Variants in LINC00632 observed in about 807,000 individuals in gnomAD.
The protein encoded by LINC00632 is long independently transcribed non-coding RNA 632, also known as ALDOA related specific transcript.
intron 3 of LINC00632, among the ~76,000 whole-genome samples, chrX:140,739,256 G>C (rs1479137479): frequency 9.1e-6 from 1 of 110,071 alleles, no homozygotes; most frequent in Non-Finnish European, 1.9e-5. Context: ...TTTCGCTCTT[G>C]TTGCCCAGGC....
Position 140,766,728 on chromosome X carries a change from A to G in LINC00632, n.192-5350A>G, listed in dbSNP as rs964772131. The stretch of plus-strand genomic sequence containing the variant: ...TAACAATGTAAAAGATGTATAATTA[A>G]TTATCATAAATGAAATAACAAAGAA... On this transcript the variant is annotated intron_variant and non_coding_transcript_variant, in intron 3 of 4. Coordinates refer to ENST00000648200, the Ensembl canonical transcript of LINC00632. Among the ~76,000 whole-genome samples the G allele has an allele frequency of 8.0e-5, 9 of 112,387 alleles. No individual in the cohort carries two copies. The East Asian group carries it at 2.5e-3, about 31-fold the overall frequency.
At position 140,732,250 on chromosome X, in the gene LINC00632, C is replaced by T. The variant is rs1232769708; in HGVS notation, n.105-1628C>T. Reference sequence around the variant, plus strand: ...AAAAACAAAAAAAACCATTACAGGCCCATGCATAAAGAGCTCTATAAATGT... The same window carrying T: ...AAAAACAAAAAAAACCATTACAGGCTCATGCATAAAGAGCTCTATAAATGT... On this transcript the variant is annotated intron_variant and non_coding_transcript_variant, in intron 2 of 4. Coordinates refer to ENST00000648200, the Ensembl canonical transcript of LINC00632. Among the ~76,000 whole-genome samples, 4 of 111,056 alleles carry T rather than the reference C, an allele frequency of 3.6e-5. No homozygotes were observed. The Admixed American group carries it at 3.8e-4, about 11-fold the overall frequency.
chrX:140,711,143 T>G (rs1720342884), intron 1 of LINC00632, among the ~76,000 whole-genome samples: 1 of 111,835 alleles, frequency 8.9e-6, no homozygotes, highest in African/African-American at 3.2e-5. Flanking sequence ...CTCTCTGTGC[T>G]TCCAGTGCTT....
chrX:140,775,278 ATTTAC>A (rs770809658), exon 5 of LINC00632, among the ~76,000 whole-genome samples: 94 of 112,056 alleles, frequency 8.4e-4, no homozygotes, highest in Middle Eastern at 9.2e-3. Flanking sequence ...AATTCCATAT[ATTTAC>A]TTCATTTGAT....
chrX:140,765,549 C>CG (rs1931674680), intron 3 of LINC00632, among the ~76,000 whole-genome samples: 1 of 112,040 alleles, frequency 8.9e-6, no homozygotes, highest in Non-Finnish European at 1.9e-5. Context: ...AGGGACGCCT[C>CG]TATGCTTAGA....
rs138616626 is a variant in LINC00632 at position 140,742,680 on chromosome X, A to G, written n.191+8716A>G. On this transcript the variant is annotated intron_variant and non_coding_transcript_variant, in intron 3 of 4. Transcript: ENST00000648200. ...TCAGGCAGTGATTCTATATCCTGAG[A>G]TTTGTTCATATTCATGTAGGCAGAA... 3.4e-3 allele frequency among the ~76,000 whole-genome samples: 380 copies of G among 110,522 alleles called. 2 individuals are homozygous for G. The highest frequency in any genetic ancestry group is 0.025 in the East Asian group (87 of 3,499).
In LINC00632 at chrX:140,729,877, C is replaced by CTT. The variant is rs1207034823; in HGVS notation, n.105-3984_105-3983dup. Among the ~76,000 whole-genome samples the CTT allele has an allele frequency of 5.0e-4, 45 of 90,815 alleles. 1 individual carries two copies. The highest frequency in any genetic ancestry group is 7.3e-4 in the African/African-American group (17 of 23,342). The allele number at this position is 90,815 out of a possible 115,157, so 78.9% of individuals were successfully genotyped here. A position where few individuals can be genotyped will look rare whatever the true frequency, so the allele number is the denominator to read the frequency against. ...ATATATGCCTCTTCTTTTCTTTTTT[C>CTT]TTTTTTTTTTTTTTTTTTGAGACGG... On this transcript the variant is annotated intron_variant and non_coding_transcript_variant, in intron 2 of 4. Coordinates refer to ENST00000648200, the Ensembl canonical transcript of LINC00632.
chrX:140,757,532 T>C (rs957325485), intron 3 of LINC00632, among the ~76,000 whole-genome samples: 2 of 111,506 alleles, frequency 1.8e-5, no homozygotes, highest in African/African-American at 6.5e-5. Flanking sequence ...CCAGTTCAGA[T>C]GCTTATGAGC....
At position 140,789,851 on chromosome X, in the gene LINC00632, T is replaced by C. The variant is rs1932081101; in HGVS notation, n.17870T>C. 2.7e-5 allele frequency among the ~76,000 whole-genome samples: 3 copies of C among 109,729 alleles called. No individual in the cohort carries two copies. The South Asian group carries it at 1.2e-3, about 42-fold the overall frequency. On this transcript the variant is annotated non_coding_transcript_exon_variant, in exon 5 of 5. Transcript: ENST00000648200. The stretch of plus-strand genomic sequence containing the variant: ...TCTCTGGATATTGGAGCTGATATCC[T>C]TTTGTCTGGTGTATATTGCAAATGT...
At chrX:140,759,256 G>A (rs1006353596) in intron 3 of LINC00632, among the ~76,000 whole-genome samples, 1 of 108,911 alleles carries the variant, frequency 9.2e-6, no homozygotes, top group African/African-American at 3.4e-5. Context: ...TTACAGGCAT[G>A]AGCCATCACC....
chrX:140,738,374 T>C (rs936791870), intron 3 of LINC00632, among the ~76,000 whole-genome samples: 2 of 112,033 alleles, frequency 1.8e-5, no homozygotes, highest in African/African-American at 6.5e-5. Context: ...GCAAGATTGT[T>C]CCAGAACAAT....
At chrX:140,734,920 C>T (rs1931118772) in intron 3 of LINC00632, among the ~76,000 whole-genome samples, 1 of 108,657 alleles carries the variant, frequency 9.2e-6, no homozygotes, top group Non-Finnish European at 1.9e-5. Context: ...TGCCACCACG[C>T]CCGGCTAATT....
chrX:140,756,455 A>C (rs993736299), intron 3 of LINC00632, among the ~76,000 whole-genome samples: 1 of 111,940 alleles, frequency 8.9e-6, no homozygotes, highest in Non-Finnish European at 1.9e-5. Flanking sequence ...TTAATCTCAT[A>C]AATTATTTTC....
At chrX:140,739,460 A>T (rs1013995871) in intron 3 of LINC00632, among the ~76,000 whole-genome samples, 5 of 110,805 alleles carry the variant, frequency 4.5e-5, no homozygotes, top group Non-Finnish European at 9.4e-5. Context: ...ACCTCAGGTG[A>T]TCTGCCTGCC....
chrX:140,737,724 T>C (rs1931165858), intron 3 of LINC00632, among the ~76,000 whole-genome samples: 1 of 112,024 alleles, frequency 8.9e-6, no homozygotes, highest in African/African-American at 3.2e-5. Context: ...ATGTACTGTT[T>C]GTCTTTTTGT....
exon 4 of LINC00632, among the ~76,000 whole-genome samples, chrX:140,773,169 A>AAAAAG (rs1223345007): frequency 9.1e-6 from 1 of 109,530 alleles, no homozygotes; most frequent in African/African-American, 3.4e-5. Context: ...TCTGTCTCAA[A>AAAAAG]AAAAGAAAAG....
chrX:140,721,810 A>G (rs1208934082), intron 2 of LINC00632, among the ~76,000 whole-genome samples: 1 of 111,546 alleles, frequency 9.0e-6, no homozygotes, highest in South Asian at 3.8e-4. Flanking sequence ...AAAAAAACAC[A>G]TAAATAACAG....
intron 1 of LINC00632, among the ~76,000 whole-genome samples, chrX:140,710,795 AG>A (rs769363826): frequency 3.6e-5 from 4 of 111,548 alleles, no homozygotes; most frequent in African/African-American, 6.5e-5. Context: ...AGAATGAAAA[AG>A]CTTAAAAGAA....
At chrX:140,784,491 T>G (rs1043018968) in exon 5 of LINC00632, 40 of 809,296 alleles carry the variant, frequency 4.9e-5, no homozygotes, top group Non-Finnish European at 6.8e-5. Flanking sequence ...CAGCATCTGC[T>G]CGTCTTCCAA....
Sources: gnomAD v4.1 joint callset for allele counts (sites outside exome capture counted in the v4.1 genomes callset) on GRCh38, gnomAD v4.1.1 for gene constraint, MANE v1.5 for transcripts, NCBI Gene and HGNC (gene_info 2026-07-23, HGNC 2026-07-21) for gene names.